TRPC4: variants seen among roughly 807,000 people sequenced by gnomAD.
The protein encoded by TRPC4 is short transient receptor potential channel 4.
A neutral mutation model predicts 99.4 loss-of-function variants in TRPC4; 49 were observed. The ratio of observed to expected loss-of-function variants is 0.49; its 90% CI spans 0.39 to 0.63. TRPC4 has a LOEUF of 0.63. TRPC4 is among the 20% of genes least tolerant of loss of function. The probability of loss-of-function intolerance (pLI) is 0.00; values close to 1 mark genes in which losing one functional copy is unlikely to be tolerated. For missense variants in TRPC4, 898 were observed against 1,152.9 expected, an observed-to-expected ratio of 0.78 and a Z score of 3.20; for synonymous variants, 454 against 425.9, an observed-to-expected ratio of 1.07 and a Z score of -0.81.
At chr13:37,685,420 C>T (rs1953433745) in intron 4 of TRPC4, among the ~76,000 whole-genome samples, 1 of 152,106 alleles carries the variant, frequency 6.6e-6, no homozygotes. Context: ...TGTTTCCTCT[C>T]TGTGAAATGA....
At chr13:37,832,003 GTAT>G (rs1226059855) in intron 1 of TRPC4, among the ~76,000 whole-genome samples, 2 of 152,024 alleles carry the variant, frequency 1.3e-5, no homozygotes, top group East Asian at 3.9e-4. Context: ...ACAATGTGTT[GTAT>G]ATTTCAAAAT....
rs1215591150 is a variant in TRPC4, at chr13:37,635,774, C to T, written c.*1129G>A. ...AATTGTTATAAGCTAAATTACCTTG[C>T]AAACAATAGAAAGAAAAACAAGAAA... On this transcript the variant is annotated 3_prime_UTR_variant, in exon 11 of 11. Transcript: ENST00000379705. Among the ~76,000 whole-genome samples, 1 of 151,824 alleles carries T rather than the reference C, an allele frequency of 6.6e-6. No homozygotes were observed. The highest frequency in any genetic ancestry group is 1.5e-5 in the Non-Finnish European group (1 of 67,922).
chr13:37,829,756 A>G (rs932513377), intron 1 of TRPC4, among the ~76,000 whole-genome samples: 3 of 152,210 alleles, frequency 2.0e-5, no homozygotes, highest in Non-Finnish European at 4.4e-5. Flanking sequence ...GTCCATCAAC[A>G]GATGAATGGT....
intron 1 of TRPC4, among the ~76,000 whole-genome samples, chr13:37,863,799 C>G (rs1192939495): frequency 6.6e-6 from 1 of 151,554 alleles, no homozygotes; most frequent in Admixed American, 6.6e-5. Context: ...CTTGAATGAA[C>G]AGTGTGTTAA....
chr13:37,728,770 A>T lies in TRPC4; in HGVS notation c.897+17167T>A, dbSNP rs145411959. ...AAAGCTTGAGGTCTCATACTTCCTG[A>T]TTTCAAAACTTATTGCTAAGTTACT... On this transcript the variant is annotated intron_variant, in intron 3 of 10. Transcript: ENST00000379705. Among the ~76,000 whole-genome samples the T allele has an allele frequency of 1.6e-3, 250 of 152,200 alleles. 12 individuals carry two copies. The East Asian group carries it at 0.044, about 27-fold the overall frequency.
chr13:37,768,160 C>T (rs146027210), intron 2 of TRPC4, among the ~76,000 whole-genome samples: 79 of 151,542 alleles, frequency 5.2e-4, no homozygotes, highest in African/African-American at 1.5e-3. Flanking sequence ...ATGTATTGAT[C>T]GGTAAGCATC....
At chr13:37,830,423 T>A (rs1460334034) in intron 1 of TRPC4, among the ~76,000 whole-genome samples, 1 of 152,048 alleles carries the variant, frequency 6.6e-6, no homozygotes, top group African/African-American at 2.4e-5. Flanking sequence ...TAAAGAGAAT[T>A]GCTTGCTGGA....
intron 3 of TRPC4, among the ~76,000 whole-genome samples, chr13:37,737,026 C>G (rs1198357710): frequency 6.6e-6 from 1 of 151,756 alleles, no homozygotes; most frequent in East Asian, 1.9e-4. Flanking sequence ...AGCCAGCACG[C>G]CCAGCCAACT....
intron 1 of TRPC4, among the ~76,000 whole-genome samples, chr13:37,827,980 C>A (rs180867778): frequency 1.4e-3 from 210 of 152,286 alleles, no homozygotes; most frequent in African/African-American, 4.8e-3. Context: ...CGTGGTGGGC[C>A]GTTTTTTAAG....
chr13:37,681,261 G>T (rs1953226171), intron 4 of TRPC4, among the ~76,000 whole-genome samples: 1 of 152,118 alleles, frequency 6.6e-6, no homozygotes, highest in African/African-American at 2.4e-5. Context: ...GGAGATCAAG[G>T]AGGAGACATT....
At chr13:37,832,900 T>G (rs2139600542) in intron 1 of TRPC4, among the ~76,000 whole-genome samples, 1 of 152,280 alleles carries the variant, frequency 6.6e-6, no homozygotes, top group South Asian at 2.1e-4. Context: ...TTTAAAAACT[T>G]TATGCTAAAC....
At chr13:37,704,324 C>T (rs566595979) in intron 3 of TRPC4, among the ~76,000 whole-genome samples, 1 of 152,228 alleles carries the variant, frequency 6.6e-6, no homozygotes, top group Non-Finnish European at 1.5e-5. Context: ...TTTACAAAAA[C>T]TTACCAAAGT....
chr13:37,695,991 A>G (rs988323892), intron 3 of TRPC4, among the ~76,000 whole-genome samples: 2 of 152,220 alleles, frequency 1.3e-5, no homozygotes, highest in African/African-American at 2.4e-5. Context: ...TGTATTAGTC[A>G]GTTTTTATAC....
intron 4 of TRPC4, among the ~76,000 whole-genome samples, chr13:37,678,031 C>T (rs374563127): frequency 1.2e-4 from 18 of 151,998 alleles, no homozygotes; most frequent in Non-Finnish European, 1.9e-4. Context: ...TATCTTTCGG[C>T]TCAAATAGGA....
intron 3 of TRPC4, among the ~76,000 whole-genome samples, chr13:37,700,462 C>T (rs771149861): frequency 6.6e-6 from 1 of 152,116 alleles, no homozygotes; most frequent in Non-Finnish European, 1.5e-5. Flanking sequence ...GAGACTCCTA[C>T]TGAAGAATGA....
chr13:37,846,999 GA>G (rs1958924669), intron 1 of TRPC4, among the ~76,000 whole-genome samples: 2 of 151,920 alleles, frequency 1.3e-5, no homozygotes, highest in African/African-American at 4.8e-5. Flanking sequence ...GATTCACCAA[GA>G]AGAGATAACA....
At chr13:37,690,128 A>G (rs1953633662) in intron 4 of TRPC4, among the ~76,000 whole-genome samples, 1 of 152,226 alleles carries the variant, frequency 6.6e-6, no homozygotes, top group Non-Finnish European at 1.5e-5. Flanking sequence ...ACTCTTCTGT[A>G]AGAATTGTTC....
rs539728590 is a variant in TRPC4, at chr13:37,746,540, G to C, written c.379-85C>G. 2.7e-4 allele frequency: 385 copies of C among 1,434,970 alleles called. 1 individual carries two copies. The Middle Eastern group carries it at 3.1e-3, about 12-fold the overall frequency. 88.9% of individuals were successfully genotyped at this position (1,434,970 alleles called of 1,614,324 possible). On this transcript the variant is annotated intron_variant, in intron 2 of 10. Transcript: ENST00000379705. ...TCATACACCATGCTATAGCAATATG[G>C]AACAGGGTTTATATGTCCTTGGCCG...
intron 6 of TRPC4, among the ~76,000 whole-genome samples, chr13:37,658,367 C>A (rs1311158513): frequency 6.6e-6 from 1 of 152,142 alleles, no homozygotes. Context: ...ATGCTTTATA[C>A]AATTAGCTTG....
Sources: gnomAD v4.1 joint callset for allele counts (sites outside exome capture counted in the v4.1 genomes callset) on GRCh38, gnomAD v4.1.1 for gene constraint, MANE v1.5 for transcripts, NCBI Gene and HGNC (gene_info 2026-07-23, HGNC 2026-07-21) for gene names.